Variants in FMO2 observed in about 807,000 individuals in gnomAD.
FMO2 encodes flavin-containing monooxygenase 2.
In FMO2, 33 loss-of-function variants were observed where a neutral mutation model predicts 41.6. That is an observed-to-expected ratio of 0.79 (90% CI 0.60 to 1.06). The LOEUF is 1.06. Among genes scored for constraint, FMO2 ranks in the 50% least tolerant of loss-of-function variants. The probability of loss-of-function intolerance (pLI) is 0.00; values close to 1 mark genes in which losing one functional copy is unlikely to be tolerated. For synonymous variants in FMO2, 214 were observed against 219.6 expected (o/e 0.97, Z 0.23); for missense variants, 619 against 632.9 (o/e 0.98, Z 0.23).
At position 171,186,984 on chromosome 1, in the gene FMO2, C is replaced by T. The variant is rs547461451; in HGVS notation, c.132+1139C>T. Among the ~76,000 whole-genome samples the T allele has an allele frequency of 8.5e-5, 13 of 152,178 alleles. No homozygotes were observed. In the East Asian group the frequency reaches 1.5e-3, roughly 18 times the overall value. On this transcript the variant is annotated intron_variant, in intron 2 of 8. Transcript: ENST00000209929. Reference sequence around the variant, plus strand: ...TCATATAAAGAACTTAGATAAGTTCCGGACTCATAGAGTTCAATAAATGTT... The same window carrying T: ...TCATATAAAGAACTTAGATAAGTTCTGGACTCATAGAGTTCAATAAATGTT...
intron 2 of FMO2, among the ~76,000 whole-genome samples, chr1:171,187,588 T>C (rs28369807): frequency 2.1e-5 from 3 of 143,592 alleles, no homozygotes; most frequent in Admixed American, 7.2e-5. Flanking sequence ...CCATGGAGAG[T>C]TTCTTAAAGA....
intron 2 of FMO2, 129 bp downstream of exon 2, chr1:171,185,974 T>G (rs1657831534): frequency 2.0e-6 from 2 of 1,021,638 alleles, no homozygotes; most frequent in Non-Finnish European, 2.9e-6. Context: ...CTTATTGATG[T>G]GGCCATAATG....
At chr1:171,200,685 A>G (rs1177624890) in intron 5 of FMO2, among the ~76,000 whole-genome samples, 1 of 152,210 alleles carries the variant, frequency 6.6e-6, no homozygotes, top group Non-Finnish European at 1.5e-5. Flanking sequence ...AGAGCAGGTC[A>G]CTAACACCGG....
At position 171,204,063 on chromosome 1, in the gene FMO2, A is replaced by C; in HGVS notation, c.826A>C (p.Lys276Gln). 1.2e-6 allele frequency: 2 copies of C among 1,612,460 alleles called. No individual in the cohort carries two copies. Among genetic ancestry groups the C allele is most frequent in the Non-Finnish European group, 1.7e-6 (2 of 1,178,724 alleles). ...HENYGLEPQN[K>Q]YIMKEPVLND... is the part of the protein sequence containing the mutation. ...AAATTATGGCCTTGAGCCTCAAAACAAGTAGAGTTATTTTGCTTTTTTAAT... is the reference window on the plus strand; with the variant it reads ...AAATTATGGCCTTGAGCCTCAAAACCAGTAGAGTTATTTTGCTTTTTTAAT... Residue 276 changes from lysine (K) to glutamine (Q), a missense_variant and splice_region_variant, in exon 6 of 9, where the codon AAA (lysine) becomes CAA (glutamine). Physicochemically the swap from Lys to Gln is moderately conservative, Grantham distance 53. Transcript: ENST00000209929.
Position 171,196,674 on chromosome 1 carries a change from G to C in FMO2, c.347G>C (p.Cys116Ser). Residue 116 changes from cysteine to serine, a missense_variant, in exon 4 of 9, where the codon TGT becomes TCT. Coordinates refer to ENST00000209929, the MANE Select transcript of FMO2 (RefSeq NM_001460.5). ...FQTTVLSVRK[C>S]PDFSSSGQWK... ...ACAACTGTCCTTAGTGTGAGAAAAT[G>C]TCCAGATTTCTCATCCTCTGGCCAA... The C allele has an allele frequency of 6.2e-7, 1 of 1,613,244 alleles. No individual in the cohort carries two copies. The highest frequency in any genetic ancestry group is 8.5e-7 in the Non-Finnish European group (1 of 1,179,826).
chr1:171,204,088 T>G, intron 6 of FMO2, 24 bp downstream of exon 6: 1 of 1,581,768 alleles, frequency 6.3e-7, no homozygotes, highest in Non-Finnish European at 8.7e-7. Context: ...GCTTTTTTAA[T>G]GGTATACTCG....
intron 4 of FMO2, among the ~76,000 whole-genome samples, chr1:171,199,047 C>G (rs1475807666): frequency 1.3e-5 from 2 of 152,058 alleles, no homozygotes; most frequent in African/African-American, 2.4e-5. Context: ...GGACCACAGG[C>G]ATGCACAACC....
intron 3 of FMO2, among the ~76,000 whole-genome samples, chr1:171,194,167 C>A (rs1658210237): frequency 1.3e-5 from 2 of 152,178 alleles, no homozygotes; most frequent in South Asian, 4.1e-4. Context: ...AATTAAATTG[C>A]TGTTTTGTTT....
chr1:171,204,510 G>A (rs962024525), intron 6 of FMO2, among the ~76,000 whole-genome samples: 7 of 151,982 alleles, frequency 4.6e-5, no homozygotes, highest in South Asian at 2.1e-4. Context: ...CTCTGTTGAC[G>A]TCAAAGTTAT....
Position 171,205,545 on chromosome 1 carries a change from C to G in FMO2, c.1094C>G (p.Thr365Ser). 6.2e-7 allele frequency: 1 copy of G among 1,613,900 alleles called. No individual in the cohort carries two copies. The highest frequency in any genetic ancestry group is 8.5e-7 in the Non-Finnish European group (1 of 1,179,862). The change falls in exon 7 of 9, where the codon ACC (threonine) becomes AGC (serine). Residue 365 changes from threonine to serine, a missense_variant. Transcript: ENST00000209929. ...YIFPAHLDKS[T>S]LACIGLIQPL... ...TTCCCCGCTCACCTGGACAAGTCAACCCTCGCGTGCATTGGTCTCATCCAG... is the reference window on the plus strand; with the variant it reads ...TTCCCCGCTCACCTGGACAAGTCAAGCCTCGCGTGCATTGGTCTCATCCAG...
At chr1:171,192,827 A>G (rs28369844) in intron 2 of FMO2, among the ~76,000 whole-genome samples, 2,451 of 152,076 alleles carry the variant, frequency 0.016, 35 homozygotes, top group Middle Eastern at 0.044. Flanking sequence ...ATAGCTTGAC[A>G]ATGATTGATT....
chr1:171,211,032 T>C lies in FMO2; in HGVS notation c.*1887T>C, dbSNP rs906417846. 6.6e-6 allele frequency: 1 copy of C among 152,202 alleles called. No individual in the cohort carries two copies. The highest frequency in any genetic ancestry group is 1.5e-5 in the Non-Finnish European group (1 of 68,030). 9.4% of individuals were successfully genotyped at this position (152,202 alleles called of 1,614,324 possible). A position where few individuals can be genotyped will look rare whatever the true frequency, so the allele number is the denominator to read the frequency against. On this transcript the variant is annotated 3_prime_UTR_variant, in exon 9 of 9. Coordinates refer to ENST00000209929, the MANE Select transcript of FMO2 (RefSeq NM_001460.5). ...CATAAGCAAATTTGTTTTAAAATAA[T>C]TGTAAATGAGGTATATACTTAGTTC...
rs148458824 is a variant in FMO2, at chr1:171,209,092, C to G, written c.1555C>G (p.Leu519Val). The change falls in exon 9 of 9, where the codon CTG becomes GTG. Residue 519 changes from leucine to valine, a missense_variant. By Grantham distance (32) the Leu-to-Val change is conservative. Transcript: ENST00000209929. ...NFSVSFLLKI[L>V]GLLAVVVAFF... Reference sequence around the variant, plus strand: ...CTCAGTTTCTTTTCTGTTGAAAATCCTGGGCCTTCTTGCTGTTGTTGTGGC... The same window carrying G: ...CTCAGTTTCTTTTCTGTTGAAAATCGTGGGCCTTCTTGCTGTTGTTGTGGC... The G allele has an allele frequency of 1.1e-6, 1 of 918,818 alleles. No individual in the cohort carries two copies. Among genetic ancestry groups the G allele is most frequent in the East Asian group, 2.5e-5 (1 of 39,736 alleles). The allele number at this position is 918,818 out of a possible 1,614,324, so 56.9% of individuals were successfully genotyped here.
chr1:171,185,658 C>G, intron 1 of FMO2, 50 bp from the exon 2 acceptor site: 8 of 1,598,814 alleles, frequency 5.0e-6, no homozygotes, highest in Non-Finnish European at 6.9e-6. Flanking sequence ...TAAGGATTCT[C>G]TTACCGGTTG....
intron 2 of FMO2, among the ~76,000 whole-genome samples, chr1:171,188,148 C>T (rs966016585): frequency 6.6e-6 from 1 of 151,700 alleles, no homozygotes. Flanking sequence ...CCTCCCTCCC[C>T]CAGTATACCA....
rs1315234213 is a variant in FMO2, at chr1:171,211,332, A to G, written c.*2187A>G. 2.0e-5 allele frequency: 3 copies of G among 152,204 alleles called. No homozygotes were observed. Among genetic ancestry groups the G allele is most frequent in the African/African-American group, 7.2e-5 (3 of 41,454 alleles). 9.4% of individuals were successfully genotyped at this position (152,204 alleles called of 1,614,324 possible). A position where few individuals can be genotyped will look rare whatever the true frequency, so the allele number is the denominator to read the frequency against. ...TCTCTGTGGCCCACAAGGCTAAAAT[A>G]TTTACATTCTCACCCATTACAGAAA... On this transcript the variant is annotated 3_prime_UTR_variant, in exon 9 of 9. Transcript: ENST00000209929.
chr1:171,206,717 C>T (rs1658770001), intron 7 of FMO2, among the ~76,000 whole-genome samples: 1 of 152,144 alleles, frequency 6.6e-6, no homozygotes, highest in Non-Finnish European at 1.5e-5. Context: ...CAGATTTACA[C>T]TTCAGATAGA....
At chr1:171,193,245 G>A (rs564240943) in intron 2 of FMO2, 90 bp from the exon 3 acceptor site, 37 of 763,554 alleles carry the variant, frequency 4.8e-5, no homozygotes, top group African/African-American at 3.5e-4. Flanking sequence ...AAAGACAATC[G>A]CATTACCCAG....
At chr1:171,188,671 A>G (rs1054359614) in intron 2 of FMO2, among the ~76,000 whole-genome samples, 3 of 152,186 alleles carry the variant, frequency 2.0e-5, no homozygotes, top group African/African-American at 7.2e-5. Context: ...TCACTACTCT[A>G]CCATCCAGAA....
Sources: gnomAD v4.1 joint callset for allele counts (sites outside exome capture counted in the v4.1 genomes callset) on GRCh38, gnomAD v4.1.1 for gene constraint, MANE v1.5 for transcripts, NCBI Gene and HGNC (gene_info 2026-07-23, HGNC 2026-07-21) for gene names.